Variants in SNX9 observed in about 807,000 individuals in gnomAD.
The protein encoded by SNX9 is sorting nexin-9.
In SNX9, 44 loss-of-function variants were observed where a neutral mutation model predicts 89.4. The observed-to-expected ratio is 0.49, with a 90% CI of 0.39 to 0.63. The LOEUF (loss-of-function observed/expected upper bound fraction) is 0.63. SNX9 is among the 30% of genes least tolerant of loss of function. The pLI is 0.00. For synonymous variants in SNX9, 236 were observed against 247.8 expected, an observed-to-expected ratio of 0.95 and a Z score of 0.45; for missense variants, 578 against 736.1, an observed-to-expected ratio of 0.79 and a Z score of 2.49.
In SNX9 at chr6:157,944,285, G is replaced by T. The variant is rs1004343208; in HGVS notation, c.*1447G>T. 3.9e-5 allele frequency: 6 copies of T among 152,578 alleles called. No homozygotes were observed. The highest frequency in any genetic ancestry group is 1.4e-4 in the African/African-American group (6 of 41,416). 9.5% of individuals were successfully genotyped at this position (152,578 alleles called of 1,614,324 possible). The stretch of plus-strand genomic sequence containing the variant: ...CAAAAATAAGTAGATGAAATCAAAT[G>T]AATATGAGAACATCTTGTTCTTCAA... On this transcript the variant is annotated 3_prime_UTR_variant, in exon 18 of 18. Coordinates refer to ENST00000392185, the MANE Select transcript of SNX9 (RefSeq NM_016224.5).
intron 1 of SNX9, among the ~76,000 whole-genome samples, chr6:157,850,027 A>G (rs973367643): frequency 1.3e-5 from 2 of 152,220 alleles, no homozygotes; most frequent in African/African-American, 4.8e-5. Flanking sequence ...ACAGACATTT[A>G]CAGTGTGGCC....
Position 157,937,195 on chromosome 6 carries a change from C to T in SNX9, c.1444-239C>T, listed in dbSNP as rs369351219. Among the ~76,000 whole-genome samples, 3 of 152,312 alleles carry T rather than the reference C, an allele frequency of 2.0e-5. No homozygotes were observed. In the East Asian group the frequency reaches 5.8e-4, roughly 29 times the overall value. On this transcript the variant is annotated intron_variant, in intron 14 of 17. Transcript: ENST00000392185. ...ATTATTTTGGGCCACGTCAAAATAA[C>T]TAATTTTACAAACCAACTTAAAAAT...
At chr6:157,859,636 A>G (rs561516546) in intron 1 of SNX9, among the ~76,000 whole-genome samples, 60 of 152,264 alleles carry the variant, frequency 3.9e-4, no homozygotes, top group South Asian at 3.9e-3. Context: ...TACAACCCCA[A>G]ATTGTGGCCG....
intron 9 of SNX9, among the ~76,000 whole-genome samples, chr6:157,913,121 G>T (rs982980308): frequency 1.3e-5 from 2 of 152,170 alleles, no homozygotes; most frequent in Non-Finnish European, 2.9e-5. Context: ...CCGGCCAGGA[G>T]GTGAATTGTC....
chr6:157,901,813 G>C, intron 5 of SNX9, 85 bp from the exon 6 acceptor site: 2 of 1,507,132 alleles, frequency 1.3e-6, no homozygotes, highest in Non-Finnish European at 1.8e-6. Context: ...CCAGTAGGTA[G>C]TTACTGTCAG....
chr6:157,916,191 C>T (rs181990557), intron 9 of SNX9, among the ~76,000 whole-genome samples: 55 of 152,170 alleles, frequency 3.6e-4, no homozygotes, highest in African/African-American at 1.2e-3. Flanking sequence ...CCCGCCACCA[C>T]GCCCTGCTAA....
In SNX9 at chr6:157,865,067, T is replaced by C. The variant is rs141177156; in HGVS notation, c.13-2480T>C. On this transcript the variant is annotated intron_variant, in intron 1 of 17. Transcript: ENST00000392185. ...AAACAAAAACTACCGCAGCCAGGCA[T>C]GGTGGCTCACGCCTGTAATCCCACA... Among the ~76,000 whole-genome samples, 337 of 152,088 alleles carry C rather than the reference T, an allele frequency of 2.2e-3. 2 individuals are homozygous for C. Among genetic ancestry groups the C allele is most frequent in the African/African-American group, 7.4e-3 (306 of 41,508 alleles).
chr6:157,834,149 G>GTT lies in SNX9; in HGVS notation c.12+10703_12+10704insTT, dbSNP rs1491214417. Among the ~76,000 whole-genome samples the GTT allele has an allele frequency of 3.0e-3, 182 of 60,008 alleles. 12 individuals are homozygous for GTT. The highest frequency in any genetic ancestry group is 9.4e-3 in the African/African-American group (141 of 15,040). The allele number at this position is 60,008 out of a possible 152,430, so 39.4% of individuals were successfully genotyped here. On this transcript the variant is annotated intron_variant, in intron 1 of 17. Coordinates refer to ENST00000392185, the MANE Select transcript of SNX9 (RefSeq NM_016224.5). ...GATCCTGCCATGTGGTGTCCACTGT[G>GTT]GTTTTTTTTTTTTTTTTTTTTTTTT...
intron 7 of SNX9, among the ~76,000 whole-genome samples, chr6:157,907,843 T>G (rs1277698006): frequency 6.6e-6 from 1 of 152,248 alleles, no homozygotes; most frequent in Non-Finnish European, 1.5e-5. Flanking sequence ...CAGAGCCCCG[T>G]GAAATTGGGC....
intron 9 of SNX9, among the ~76,000 whole-genome samples, chr6:157,915,835 A>G (rs1783457077): frequency 6.7e-6 from 1 of 149,080 alleles, no homozygotes; most frequent in African/African-American, 2.5e-5. Flanking sequence ...AAAAAAAAAA[A>G]AGATTTATAT....
At chr6:157,860,850 C>T (rs554029707) in intron 1 of SNX9, among the ~76,000 whole-genome samples, 6 of 152,328 alleles carry the variant, frequency 3.9e-5, no homozygotes, top group Middle Eastern at 3.4e-3. Context: ...TAGAATTGTA[C>T]AGTCGCCTTT....
chr6:157,912,644 C>T (rs1297117131), intron 9 of SNX9, among the ~76,000 whole-genome samples: 1 of 152,130 alleles, frequency 6.6e-6, no homozygotes, highest in East Asian at 1.9e-4. Flanking sequence ...TCTCGCTCAA[C>T]TACTGGAGAA....
intron 14 of SNX9, among the ~76,000 whole-genome samples, chr6:157,936,916 T>G (rs1399368407): frequency 6.6e-6 from 1 of 152,242 alleles, no homozygotes; most frequent in Non-Finnish European, 1.5e-5. Context: ...AAACTATGTG[T>G]ATGGATGCAC....
intron 1 of SNX9, among the ~76,000 whole-genome samples, chr6:157,836,609 T>C (rs375233464): frequency 1.3e-5 from 2 of 151,820 alleles, no homozygotes; most frequent in African/African-American, 4.8e-5. Context: ...TTTTTTTTTT[T>C]TGATACAGAG....
intron 1 of SNX9, among the ~76,000 whole-genome samples, chr6:157,834,103 G>T (rs1481044877): frequency 1.3e-4 from 19 of 143,338 alleles, no homozygotes; most frequent in Admixed American, 4.3e-4. Context: ...TGACACCAGG[G>T]CTTGATCTGA....
At chr6:157,942,560 G>A (rs191822102) in intron 17 of SNX9, among the ~76,000 whole-genome samples, 124 of 152,316 alleles carry the variant, frequency 8.1e-4, no homozygotes, top group Non-Finnish European at 1.2e-3. Context: ...ATGTGTAGAC[G>A]CCTCCCGGCG....
intron 4 of SNX9, among the ~76,000 whole-genome samples, chr6:157,886,424 G>A (rs2115152628): frequency 6.6e-6 from 1 of 152,304 alleles, no homozygotes; most frequent in East Asian, 1.9e-4. Flanking sequence ...CAGTACATAT[G>A]CATTGTAGAA....
At chr6:157,904,187 G>C (rs1002838238) in intron 6 of SNX9, among the ~76,000 whole-genome samples, 2 of 152,122 alleles carry the variant, frequency 1.3e-5, no homozygotes, top group African/African-American at 4.8e-5. Context: ...TGTAATCCTA[G>C]CACTTTGGGA....
intron 16 of SNX9, among the ~76,000 whole-genome samples, chr6:157,939,385 T>C (rs1012739865): frequency 3.3e-5 from 5 of 152,062 alleles, no homozygotes; most frequent in Non-Finnish European, 5.9e-5. Flanking sequence ...ACTTGAAAGC[T>C]CTAGACTTGA....
Sources: gnomAD v4.1 joint callset for allele counts (sites outside exome capture counted in the v4.1 genomes callset) on GRCh38, gnomAD v4.1.1 for gene constraint, MANE v1.5 for transcripts, NCBI Gene and HGNC (gene_info 2026-07-23, HGNC 2026-07-21) for gene names.